TBX5: variants seen among roughly 807,000 people sequenced by gnomAD.
TBX5 encodes T-box transcription factor 5.
A neutral mutation model predicts 51.1 loss-of-function variants in TBX5; 8 were observed. The ratio of observed to expected loss-of-function variants is 0.16; its 90% CI spans 0.09 to 0.28. The LOEUF is 0.28. Ranked by LOEUF, TBX5 falls within the 10% of genes least tolerant of loss-of-function variation. The pLI is 1.00. For synonymous variants in TBX5, 302 were observed against 266.4 expected (o/e 1.13, Z -1.30); for missense variants, 589 against 671.7 (o/e 0.88, Z 1.36).
intron 1 of TBX5, among the ~76,000 whole-genome samples, chr12:114,405,415 A>G (rs968691474): frequency 6.6e-6 from 1 of 152,158 alleles, no homozygotes; most frequent in Non-Finnish European, 1.5e-5. Flanking sequence ...TGACAGAACC[A>G]GGCCGTGCTT....
intron 8 of TBX5, among the ~76,000 whole-genome samples, chr12:114,359,664 T>C (rs1869125940): frequency 6.6e-6 from 1 of 152,214 alleles, no homozygotes; most frequent in South Asian, 2.1e-4. Flanking sequence ...CTAGATATTT[T>C]TGATTCCGGA....
intron 1 of TBX5, 151 bp from the exon 2 acceptor site, chr12:114,404,087 C>A: frequency 1.4e-6 from 1 of 709,676 alleles, no homozygotes; most frequent in South Asian, 1.7e-5. Flanking sequence ...AAGGTGACTG[C>A]AGAAGGCCCT....
chr12:114,396,893 C>T (rs1239187504), intron 5 of TBX5, among the ~76,000 whole-genome samples: 1 of 152,156 alleles, frequency 6.6e-6, no homozygotes, highest in East Asian at 1.9e-4. Context: ...AAGAAGGACT[C>T]GTGGGCAAAA....
At chr12:114,383,465 C>T (rs1474546315) in intron 7 of TBX5, among the ~76,000 whole-genome samples, 3 of 152,094 alleles carry the variant, frequency 2.0e-5, no homozygotes, top group Non-Finnish European at 4.4e-5. Context: ...ATGGGAAGGT[C>T]ATGGCTAACC....
At chr12:114,407,208 G>C (rs12319868), upstream of TBX5, 44 of 671,794 alleles carry the variant, frequency 6.5e-5, no homozygotes, top group Non-Finnish European at 7.4e-5. Context: ...TGGGGCAACC[G>C]GGGAGAAAGC....
At position 114,406,042 on chromosome 12, in the gene TBX5, G is replaced by T; in HGVS notation, c.-453C>A. On this transcript the variant is annotated 5_prime_UTR_variant, in exon 1 of 9. Coordinates refer to ENST00000405440, the MANE Select transcript of TBX5 (RefSeq NM_181486.4). ...TAAAGTTCCCGGATTCGAGGTAAGA[G>T]TCAGTCTCTCTCACTCTCTCTCCCT... The T allele has an allele frequency of 1.0e-6, 1 of 985,104 alleles. No homozygotes were observed. Among genetic ancestry groups the T allele is most frequent in the Non-Finnish European group, 1.2e-6 (1 of 829,850 alleles). The allele number at this position is 985,104 out of a possible 1,614,324, so 61.0% of individuals were successfully genotyped here. A position where few individuals can be genotyped will look rare whatever the true frequency, so the allele number is the denominator to read the frequency against.
chr12:114,397,654 G>A (rs1270704522), intron 5 of TBX5, among the ~76,000 whole-genome samples: 1 of 152,128 alleles, frequency 6.6e-6, no homozygotes, highest in Non-Finnish European at 1.5e-5. Flanking sequence ...TCAATACCCT[G>A]CATTCAGTTT....
intron 8 of TBX5, among the ~76,000 whole-genome samples, chr12:114,358,822 C>T (rs536858820): frequency 2.3e-4 from 35 of 151,410 alleles, no homozygotes; most frequent in Non-Finnish European, 3.2e-4. Context: ...GGCTTGAAGA[C>T]ATTGCTATAC....
intron 7 of TBX5, among the ~76,000 whole-genome samples, chr12:114,368,714 CTCAAG>C (rs1869693980): frequency 6.6e-6 from 1 of 152,184 alleles, no homozygotes; most frequent in South Asian, 2.1e-4. Flanking sequence ...CTTCTACCCC[CTCAAG>C]TGTGTGAACA....
At chr12:114,358,777 T>TTTTTTTTG (rs113855505) in intron 8 of TBX5, among the ~76,000 whole-genome samples, 35 of 150,698 alleles carry the variant, frequency 2.3e-4, no homozygotes, top group Admixed American at 9.3e-4. Flanking sequence ...GCGGGGTTTT[T>TTTTTTTTG]TTTGTTTGTT....
chr12:114,401,403 T>A (rs1274210883), intron 3 of TBX5, among the ~76,000 whole-genome samples: 1 of 152,068 alleles, frequency 6.6e-6, no homozygotes, highest in East Asian at 1.9e-4. Flanking sequence ...AGGATTGGAG[T>A]AAAGATAAAG....
At chr12:114,384,803 G>C (rs527620177) in intron 7 of TBX5, among the ~76,000 whole-genome samples, 1 of 151,522 alleles carries the variant, frequency 6.6e-6, no homozygotes, top group Non-Finnish European at 1.5e-5. Context: ...TAATTCGCTT[G>C]CCATATGGTA....
chr12:114,369,620 C>T (rs573044349), intron 7 of TBX5, among the ~76,000 whole-genome samples: 48 of 152,262 alleles, frequency 3.2e-4, no homozygotes, highest in Admixed American at 2.3e-3. Flanking sequence ...ATCAAAGGAA[C>T]GGTCAACCAA....
intron 5 of TBX5, among the ~76,000 whole-genome samples, chr12:114,396,063 C>T (rs558124122): frequency 5.9e-5 from 9 of 152,222 alleles, no homozygotes; most frequent in African/African-American, 2.2e-4. Context: ...TGATTATTTG[C>T]ATTGATGACC....
At chr12:114,390,538 T>G (rs537490837) in intron 6 of TBX5, among the ~76,000 whole-genome samples, 3 of 152,346 alleles carry the variant, frequency 2.0e-5, no homozygotes, top group South Asian at 4.1e-4. Context: ...GAATTCTTGC[T>G]TTTGAAAAAA....
intron 3 of TBX5, among the ~76,000 whole-genome samples, chr12:114,401,083 C>A (rs1324727681): frequency 6.6e-6 from 1 of 152,110 alleles, no homozygotes; most frequent in Non-Finnish European, 1.5e-5. Context: ...TGGGCGCGCG[C>A]GTGCACATGC....
At chr12:114,358,945 C>T (rs1869078278) in intron 8 of TBX5, among the ~76,000 whole-genome samples, 1 of 152,050 alleles carries the variant, frequency 6.6e-6, no homozygotes, top group Admixed American at 6.5e-5. Context: ...GAATCATAAC[C>T]TTTGGGTTTT....
At chr12:114,394,986 G>A (rs1871344308) in intron 5 of TBX5, 93 bp from the exon 6 acceptor site, 1 of 1,267,364 alleles carries the variant, frequency 7.9e-7, no homozygotes, top group Non-Finnish European at 1.1e-6. Context: ...AATTCGCCTT[G>A]TTATATCGGC....
At chr12:114,406,813 T>C (rs1157137316), upstream of TBX5, among the ~76,000 whole-genome samples, 1 of 151,918 alleles carries the variant, frequency 6.6e-6, no homozygotes, top group Non-Finnish European at 1.5e-5. Context: ...TCATCTCCAC[T>C]GGTCTCCTCT....
Sources: allele counts gnomAD v4.1 joint callset (sites outside exome capture counted in the v4.1 genomes callset), GRCh38; gene constraint gnomAD v4.1.1; transcripts MANE v1.5; gene names NCBI Gene and HGNC (gene_info 2026-07-23, HGNC 2026-07-21).